Variants in TNNT3 observed in about 807,000 individuals in gnomAD.
TNNT3 encodes the protein troponin T, fast skeletal muscle.
Under a neutral mutation model 54.2 loss-of-function variants are expected in TNNT3, and 36 were observed. The ratio of observed to expected loss-of-function variants is 0.66; its 90% CI spans 0.51 to 0.88. The LOEUF (loss-of-function observed/expected upper bound fraction) is 0.88, where lower values mean the gene tolerates loss of function less well. Ranked by LOEUF, TNNT3 falls within the 40% of genes least tolerant of loss-of-function variation. The pLI is 0.00. For synonymous variants in TNNT3, 120 were observed against 109.7 expected (o/e 1.09, Z -0.59); for missense variants, 291 against 331.6 (o/e 0.88, Z 0.95).
At chr11:1,927,435 C>A (rs376169731) in intron 6 of TNNT3, among the ~76,000 whole-genome samples, 2 of 152,166 alleles carry the variant, frequency 1.3e-5, no homozygotes, top group Admixed American at 6.5e-5. Context: ...CAGCTCCCCC[C>A]GTTCATGGGC....
rs1210088219 is a variant in TNNT3, at chr11:1,935,488, C to T, written c.681+569C>T. Reference sequence around the variant, plus strand: ...GACGGAGCAGAGCCACCATCCCATGCAGGCACTATCACCGCAGGCAAAGCT... The same window carrying T: ...GACGGAGCAGAGCCACCATCCCATGTAGGCACTATCACCGCAGGCAAAGCT... On this transcript the variant is annotated intron_variant, in intron 14 of 15. Coordinates refer to ENST00000278317, the MANE Select transcript of TNNT3 (RefSeq NM_006757.4). The T allele has an allele frequency of 4.4e-5, 8 of 182,888 alleles. No homozygotes were observed. In the East Asian group the frequency reaches 1.1e-3, roughly 24 times the overall value. 11.3% of individuals were successfully genotyped at this position (182,888 alleles called of 1,614,324 possible). A position where few individuals can be genotyped will look rare whatever the true frequency, so the allele number is the denominator to read the frequency against.
At chr11:1,926,595 G>A (rs997647096) in intron 5 of TNNT3, 100 bp from the exon 6 acceptor site, 77 of 1,606,882 alleles carry the variant, frequency 4.8e-5, no homozygotes, top group African/African-American at 2.5e-4. Context: ...TGCTCGCTCC[G>A]CCGCCTCGGC....
chr11:1,934,806 C>A (rs900926967), intron 13 of TNNT3, 23 bp from the exon 14 acceptor site: 18 of 1,611,372 alleles, frequency 1.1e-5, no homozygotes, highest in Middle Eastern at 1.6e-4. Flanking sequence ...TTCAACGAAG[C>A]CTCACCACTT....
intron 11 of TNNT3, among the ~76,000 whole-genome samples, 153 bp from the exon 12 acceptor site, chr11:1,934,179 C>A (rs1354373265): frequency 1.3e-5 from 2 of 152,242 alleles, no homozygotes; most frequent in Non-Finnish European, 2.9e-5. Flanking sequence ...GAAAACAAAT[C>A]CTGGCCAAGA....
intron 15 of TNNT3, 65 bp from the exon 16 acceptor site, chr11:1,938,373 G>C (rs1366338345): frequency 6.4e-7 from 1 of 1,573,454 alleles, no homozygotes; most frequent in African/African-American, 1.3e-5. Context: ...CGCCCAGGGT[G>C]GGGGACCAGG....
intron 14 of TNNT3, chr11:1,936,271 G>T (rs775654143): frequency 2.5e-6 from 4 of 1,613,406 alleles, no homozygotes; most frequent in South Asian, 2.2e-5. Context: ...AGCCGGGTCC[G>T]CCCTGGGCCA....
intron 1 of TNNT3, among the ~76,000 whole-genome samples, chr11:1,921,866 C>T (rs1850184802): frequency 6.6e-6 from 1 of 152,214 alleles, no homozygotes; most frequent in Non-Finnish European, 1.5e-5. Flanking sequence ...AGAGCCTCCC[C>T]AGGCCTGGCC....
chr11:1,923,427 C>T, intron 3 of TNNT3, 128 bp from the exon 4 acceptor site: 1 of 1,034,696 alleles, frequency 9.7e-7, no homozygotes, highest in South Asian at 1.3e-5. Context: ...ACCCCTGATT[C>T]CACGCTCTTG....
intron 1 of TNNT3, among the ~76,000 whole-genome samples, chr11:1,920,216 G>A (rs553933166): frequency 5.3e-5 from 8 of 152,286 alleles, no homozygotes; most frequent in East Asian, 1.9e-4. Flanking sequence ...TGCAGCTCTC[G>A]CACCTGGGCC....
intron 6 of TNNT3, among the ~76,000 whole-genome samples, chr11:1,927,426 A>G (rs7946825): frequency 0.02 from 3,061 of 152,108 alleles, 97 homozygotes; most frequent in African/African-American, 0.067. Context: ...AGTGCTTCTC[A>G]GCTCCCCCCG....
Position 1,929,825 on chromosome 11 carries a change from C to T in TNNT3, c.122C>T (p.Pro41Leu). The part of the protein sequence containing the change: ...EEDAEEEKPR[P>L]KLTAPKIPEG... The stretch of plus-strand genomic sequence containing the variant: ...TGTGGACCAGAGGAGAAACCGAGAC[C>T]CAAGTGAGTGTGGGGTCCTGGCAGG... The change falls in exon 8 of 16, where the codon CCC (proline) becomes CTC (leucine). Residue 41 changes from proline to leucine, a missense_variant. By Grantham distance (98) the Pro-to-Leu change is moderately conservative. Transcript: ENST00000278317. 6.5e-7 allele frequency: 1 copy of T among 1,550,372 alleles called. No homozygotes were observed. Among genetic ancestry groups the T allele is most frequent in the East Asian group, 2.4e-5 (1 of 40,904 alleles).
chr11:1,935,477 A>G, intron 14 of TNNT3: 1 of 190,076 alleles, frequency 5.3e-6, no homozygotes, highest in East Asian at 1.3e-4. Context: ...GAGCAGAGCC[A>G]CCATCCCATG....
At chr11:1,937,055 C>T in intron 15 of TNNT3, 52 bp downstream of exon 15, 1 of 1,545,746 alleles carries the variant, frequency 6.5e-7, no homozygotes, top group South Asian at 1.2e-5. Flanking sequence ...GCCCTTGGGG[C>T]CAGCCGCTGT....
chr11:1,923,202 C>T, intron 3 of TNNT3, 141 bp downstream of exon 3: 11 of 1,222,254 alleles, frequency 9.0e-6, no homozygotes, highest in Non-Finnish European at 1.3e-5. Context: ...TCTGAGTGAC[C>T]CCCGGAAAAC....
At chr11:1,934,308 A>G in intron 11 of TNNT3, 24 bp from the exon 12 acceptor site, 1 of 1,599,124 alleles carries the variant, frequency 6.3e-7, no homozygotes, top group Non-Finnish European at 8.6e-7. Flanking sequence ...ATCCCTGAGC[A>G]TCTTGGGAAT....
intron 15 of TNNT3, chr11:1,938,132 G>C: frequency 2.3e-6 from 1 of 443,056 alleles, no homozygotes; most frequent in Non-Finnish European, 4.2e-6. Flanking sequence ...ATCATTATCT[G>C]CTAAGACAGT....
chr11:1,935,003 C>T (rs888180213), intron 14 of TNNT3, 84 bp downstream of exon 14: 4 of 1,327,120 alleles, frequency 3.0e-6, no homozygotes, highest in Non-Finnish European at 4.3e-6. Flanking sequence ...CCCTACCAAA[C>T]TCTGGACCTG....
chr11:1,929,894 G>A (rs1273215242), intron 8 of TNNT3, 66 bp downstream of exon 8: 37 of 1,535,964 alleles, frequency 2.4e-5, no homozygotes, highest in South Asian at 1.9e-4. Flanking sequence ...TCAAGTGAGT[G>A]TGGGGTCCTG....
chr11:1,937,054 G>T (rs754900455), intron 15 of TNNT3, 51 bp downstream of exon 15: 2 of 1,546,118 alleles, frequency 1.3e-6, no homozygotes, highest in South Asian at 2.4e-5. Flanking sequence ...GGCCCTTGGG[G>T]CCAGCCGCTG....
Sources: allele counts gnomAD v4.1 joint callset (sites outside exome capture counted in the v4.1 genomes callset), GRCh38; gene constraint gnomAD v4.1.1; transcripts MANE v1.5; gene names NCBI Gene and HGNC (gene_info 2026-07-23, HGNC 2026-07-21).